The following IQSEC1 variants were observed in gnomAD, a reference collection of about 807,000 sequenced individuals.
The protein encoded by IQSEC1 is IQ motif and Sec7 domain ArfGEF 1, also known as IQ motif and SEC7 domain-containing protein 1.
IQSEC1 carries 31 observed loss-of-function variants against 91.0 expected under a neutral mutation model. That is an observed-to-expected ratio of 0.34 (90% CI 0.26 to 0.46). IQSEC1 has a LOEUF of 0.46. IQSEC1 is among the 20% of genes least tolerant of loss of function. The pLI is 1.00. For missense variants in IQSEC1, 1,388 were observed against 1,575.6 expected (o/e 0.88, Z 2.02); for synonymous variants, 699 against 662.6 (o/e 1.05, Z -0.84).
chr3:12,946,579 A>G (rs971204600), intron 1 of IQSEC1, among the ~76,000 whole-genome samples: 2 of 152,224 alleles, frequency 1.3e-5, no homozygotes, highest in Non-Finnish European at 1.5e-5. Context: ...AAATAACCTA[A>G]ATGAGCATCG....
At chr3:12,913,615 C>T (rs142015198) in intron 8 of IQSEC1, 62 bp from the exon 9 acceptor site, 13 of 1,543,942 alleles carry the variant, frequency 8.4e-6, no homozygotes, top group Admixed American at 3.6e-5. Context: ...CCCTGGGGGC[C>T]GCAGTGGAGA....
chr3:12,909,434 T>C lies in IQSEC1; in HGVS notation c.2417A>G (p.Tyr806Cys). 6.2e-7 allele frequency: 1 copy of C among 1,613,304 alleles called. No homozygotes were observed. Among genetic ancestry groups the C allele is most frequent in the Non-Finnish European group, 8.5e-7 (1 of 1,179,524 alleles). Residue 806 changes from tyrosine to cysteine, a missense_variant and splice_region_variant, in exon 11 of 14, where the codon TAC becomes TGC. Tyr to Cys is a radical substitution (Grantham distance 194). Coordinates refer to ENST00000613206, the MANE Select transcript of IQSEC1 (RefSeq NM_001134382.3). This position sits in a 1 kb window ranked among gnomAD's most constrained non-coding sequence, Gnocchi z 4.9. ...GMQVLLFENQ[Y>C]YPNGIRLTSS... is the part of the protein sequence containing the mutation. ...GGTGAGCCGGATGCCATTGGGGTAG[T>C]CTGCAAAAGGGAAGGAGAGGGGAGG... is the stretch of plus-strand genomic sequence containing the variant.
At chr3:13,078,505 G>T (rs553523791) in intron 2 of IQSEC1, among the ~76,000 whole-genome samples, 26 of 152,176 alleles carry the variant, frequency 1.7e-4, no homozygotes, top group Admixed American at 2.6e-4. Context: ...TGTAGCCTGG[G>T]GGGGAAGGCC....
chr3:13,076,534 A>G (rs377396221), upstream of IQSEC1, among the ~76,000 whole-genome samples: 4 of 152,252 alleles, frequency 2.6e-5, no homozygotes, highest in East Asian at 7.7e-4. Context: ...GAGGACGGAG[A>G]AGGTTGGAGC....
intron 1 of IQSEC1, among the ~76,000 whole-genome samples, chr3:13,181,009 T>C (rs1034750641): frequency 2.0e-5 from 3 of 152,210 alleles, no homozygotes; most frequent in African/African-American, 4.8e-5. Context: ...CGGTGGCTCA[T>C]GCCTGTAATC....
chr3:12,901,304 C>T lies in IQSEC1; in HGVS notation c.3024G>A (p.Val1008=). 6.5e-7 allele frequency: 1 copy of T among 1,542,220 alleles called. No individual in the cohort carries two copies. The highest frequency in any genetic ancestry group is 8.7e-7 in the Non-Finnish European group (1 of 1,144,022). The part of the protein sequence containing the change: ...PVVLPHLQHS[V]AGHHLGPPEG... ...CTGGGGGCCCCAGGTGGTGGCCAGC[C>T]ACAGAGTGCTGCAAGTGAGGCAGGA... Residue 1008 remains valine (V), a synonymous_variant, in exon 14 of 14, where the codon GTG becomes GTA. Coordinates refer to ENST00000613206, the MANE Select transcript of IQSEC1 (RefSeq NM_001134382.3).
chr3:13,265,201 G>A (rs1368474654), intron 1 of IQSEC1, among the ~76,000 whole-genome samples: 1 of 152,142 alleles, frequency 6.6e-6, no homozygotes, highest in African/African-American at 2.4e-5. Flanking sequence ...CTTTCCCTGC[G>A]AGATCCCTGC....
intron 1 of IQSEC1, among the ~76,000 whole-genome samples, chr3:13,271,744 C>A (rs58601080): frequency 0.049 from 7,469 of 152,166 alleles, 591 homozygotes; most frequent in African/African-American, 0.17. Context: ...ACAGTGAGCT[C>A]TGATTGCACC....
At chr3:13,053,400 T>C (rs1341590969) in intron 1 of IQSEC1, among the ~76,000 whole-genome samples, 1 of 152,230 alleles carries the variant, frequency 6.6e-6, no homozygotes, top group Non-Finnish European at 1.5e-5. Flanking sequence ...TAAGAATTAT[T>C]CCAGAACACC....
chr3:12,984,815 A>AT (rs767194681), intron 1 of IQSEC1, among the ~76,000 whole-genome samples: 6,409 of 102,242 alleles, frequency 0.063, 1,209 homozygotes, highest in East Asian at 0.18. Flanking sequence ...AAGCAATTAC[A>AT]TTTTTTTTTT....
Position 13,181,722 on chromosome 3 carries a change from C to T in IQSEC1, c.273-17589G>A, listed in dbSNP as rs142239834. On this transcript the variant is annotated intron_variant, in intron 1 of 15. Transcript: ENST00000648114. ...ACAAAGGAGGAGGAAACCCAAATAC[C>T]CAGCACCTAGCCCAGCAAAAGCCCT... Among the ~76,000 whole-genome samples, 438 of 152,318 alleles carry T rather than the reference C, an allele frequency of 2.9e-3. 4 individuals carry two copies. Among genetic ancestry groups the T allele is most frequent in the African/African-American group, 0.01 (419 of 41,564 alleles).
intron 1 of IQSEC1, among the ~76,000 whole-genome samples, chr3:13,208,896 C>T (rs1312623890): frequency 2.0e-5 from 3 of 150,378 alleles, no homozygotes; most frequent in Non-Finnish European, 4.4e-5. Context: ...GGGGAGGCCA[C>T]GTCTGAAGTC....
chr3:13,105,065 T>A (rs914442428), intron 2 of IQSEC1, among the ~76,000 whole-genome samples: 1 of 152,184 alleles, frequency 6.6e-6, no homozygotes, highest in Non-Finnish European at 1.5e-5. Flanking sequence ...AGGGGCAGTC[T>A]GTCGGCTGCT....
intron 1 of IQSEC1, among the ~76,000 whole-genome samples, chr3:13,025,825 C>T (rs1703592096): frequency 1.3e-5 from 2 of 152,212 alleles, no homozygotes; most frequent in African/African-American, 4.8e-5. Context: ...CTGACCGTCA[C>T]CCACAGGAGA....
At chr3:13,235,286 C>T (rs1037225124) in intron 1 of IQSEC1, among the ~76,000 whole-genome samples, 2 of 152,158 alleles carry the variant, frequency 1.3e-5, no homozygotes, top group Non-Finnish European at 2.9e-5. Flanking sequence ...CCTGCCACAC[C>T]CTCCCCGGCG....
At chr3:13,110,460 A>G (rs1706225279) in intron 2 of IQSEC1, among the ~76,000 whole-genome samples, 1 of 152,066 alleles carries the variant, frequency 6.6e-6, no homozygotes, top group African/African-American at 2.4e-5. Context: ...GTGGTGGTGC[A>G]TGCCTGTAAT....
chr3:12,964,391 A>C (rs986146253), intron 1 of IQSEC1, among the ~76,000 whole-genome samples: 2 of 151,882 alleles, frequency 1.3e-5, no homozygotes, highest in African/African-American at 2.4e-5. Flanking sequence ...GCTGTGCATC[A>C]TCTTGCCCCT....
rs1696946246 is a variant in IQSEC1 at position 12,924,578 on chromosome 3, T to G, written c.1730+3A>C. On this transcript the variant is annotated splice_donor_region_variant and intron_variant, in intron 4 of 13. Transcript: ENST00000613206. This position sits in a 1 kb window ranked among gnomAD's most constrained non-coding sequence, Gnocchi z 6.3. ...TCCCCCACCACCCCCATGCAGAACTTACTCGAGCACGTCACGGTTGAACTG... is the reference window on the plus strand; with the variant it reads ...TCCCCCACCACCCCCATGCAGAACTGACTCGAGCACGTCACGGTTGAACTG... The G allele has an allele frequency of 6.3e-7, 1 of 1,591,380 alleles. No individual in the cohort carries two copies. The highest frequency in any genetic ancestry group is 1.3e-5 in the African/African-American group (1 of 74,402).
At chr3:12,985,438 C>A (rs1022729666) in intron 1 of IQSEC1, among the ~76,000 whole-genome samples, 1 of 152,122 alleles carries the variant, frequency 6.6e-6, no homozygotes, top group Admixed American at 6.5e-5. Flanking sequence ...GAGCTGGTCT[C>A]CAACTTGGGC....
Sources: gnomAD v4.1 joint callset for allele counts (sites outside exome capture counted in the v4.1 genomes callset) on GRCh38, gnomAD v4.1.1 for gene constraint, Gnocchi (gnomAD v3.1) non-coding constraint, MANE v1.5 for transcripts, NCBI Gene and HGNC (gene_info 2026-07-23, HGNC 2026-07-21) for gene names.